SULF1: variants seen among roughly 807,000 people sequenced by gnomAD.
SULF1 encodes extracellular sulfatase Sulf-1.
A neutral mutation model predicts 110.5 loss-of-function variants in SULF1; 46 were observed. The ratio of observed to expected loss-of-function variants is 0.42; its 90% CI spans 0.33 to 0.53. The LOEUF is 0.53. Among genes scored for constraint, SULF1 ranks in the 20% least tolerant of loss-of-function variants. The pLI is 0.12. For missense variants in SULF1, 941 were observed against 1,094.2 expected, an observed-to-expected ratio of 0.86 and a Z score of 1.98; for synonymous variants, 371 against 387.1, an observed-to-expected ratio of 0.96 and a Z score of 0.49.
At chr8:69,509,731 G>A (rs1811430762) in intron 3 of SULF1, among the ~76,000 whole-genome samples, 1 of 152,172 alleles carries the variant, frequency 6.6e-6, no homozygotes, top group Non-Finnish European at 1.5e-5. Context: ...CCTTCTCACA[G>A]GGAAATATTC....
At chr8:69,498,227 A>T (rs1002381673) in intron 2 of SULF1, among the ~76,000 whole-genome samples, 4 of 152,148 alleles carry the variant, frequency 2.6e-5, no homozygotes, top group Non-Finnish European at 5.9e-5. Flanking sequence ...AGCAAAAGAA[A>T]GGGATGCAAT....
At chr8:69,506,026 G>T (rs1811168717) in intron 3 of SULF1, among the ~76,000 whole-genome samples, 1 of 151,902 alleles carries the variant, frequency 6.6e-6, no homozygotes, top group Non-Finnish European at 1.5e-5. Context: ...ATTTCATAGG[G>T]TATTATCTAA....
intron 3 of SULF1, among the ~76,000 whole-genome samples, chr8:69,554,673 A>T (rs1814960760): frequency 6.6e-6 from 1 of 152,032 alleles, no homozygotes; most frequent in Admixed American, 6.6e-5. Context: ...AAAAAAAGAA[A>T]AAGAAAAAAA....
intron 13 of SULF1, among the ~76,000 whole-genome samples, chr8:69,614,862 A>G (rs1406097655): frequency 6.6e-6 from 1 of 152,264 alleles, no homozygotes; most frequent in Non-Finnish European, 1.5e-5. Context: ...GCTGTGCAGA[A>G]ATATTTGTGG....
At chr8:69,530,300 C>T (rs1156772859) in intron 3 of SULF1, among the ~76,000 whole-genome samples, 5 of 152,148 alleles carry the variant, frequency 3.3e-5, no homozygotes, top group Admixed American at 3.3e-4. Context: ...GGCTACCCTA[C>T]ATATTCATTC....
intron 22 of SULF1, among the ~76,000 whole-genome samples, chr8:69,644,739 T>G (rs1586625925): frequency 1.5e-5 from 2 of 135,344 alleles, no homozygotes; most frequent in Non-Finnish European, 1.5e-5. Flanking sequence ...CCTGCCTGAG[T>G]GACAGAGGGA....
intron 22 of SULF1, among the ~76,000 whole-genome samples, chr8:69,657,437 T>C (rs980485764): frequency 2.0e-5 from 3 of 152,230 alleles, no homozygotes; most frequent in Non-Finnish European, 4.4e-5. Context: ...TTGTCAGTGC[T>C]GTGGCTCACC....
chr8:69,620,535 T>C (rs1272223563), intron 13 of SULF1, among the ~76,000 whole-genome samples: 1 of 152,026 alleles, frequency 6.6e-6, no homozygotes, highest in Admixed American at 6.6e-5. Flanking sequence ...TATATGAGAG[T>C]TGGCTCGCCC....
chr8:69,589,585 C>T (rs192658468), intron 8 of SULF1, among the ~76,000 whole-genome samples: 14 of 152,256 alleles, frequency 9.2e-5, no homozygotes, highest in Admixed American at 2.0e-4. Context: ...TTGCTGCAGA[C>T]GTGCAATTAG....
At chr8:69,523,575 A>C (rs1775320388) in intron 3 of SULF1, among the ~76,000 whole-genome samples, 1 of 152,028 alleles carries the variant, frequency 6.6e-6, no homozygotes, top group Admixed American at 6.6e-5. Flanking sequence ...GCTGGATTTA[A>C]CTCAAGTTTG....
intron 1 of SULF1, among the ~76,000 whole-genome samples, chr8:69,472,021 G>A (rs1809108238): frequency 6.6e-6 from 1 of 152,130 alleles, no homozygotes; most frequent in African/African-American, 2.4e-5. Context: ...GAGAGAGAAG[G>A]AGGGAGGTGC....
intron 1 of SULF1, among the ~76,000 whole-genome samples, chr8:69,477,959 A>T (rs1545219): frequency 0.48 from 73,273 of 151,784 alleles, 19,087 homozygotes; most frequent in African/African-American, 0.68. Context: ...TGGGCTTAAT[A>T]GATCCTCCCA....
At chr8:69,596,389 A>C (rs755206012) in intron 8 of SULF1, among the ~76,000 whole-genome samples, 1 of 152,174 alleles carries the variant, frequency 6.6e-6, no homozygotes, top group Non-Finnish European at 1.5e-5. Flanking sequence ...ATTTTAAAGC[A>C]AATAACCAGT....
intron 1 of SULF1, among the ~76,000 whole-genome samples, chr8:69,478,417 T>C (rs1418152967): frequency 3.9e-5 from 6 of 152,136 alleles, no homozygotes; most frequent in African/African-American, 1.2e-4. Flanking sequence ...CCATGATCTT[T>C]TCCACTATGA....
At chr8:69,624,972 G>A (rs1809889940) in intron 15 of SULF1, among the ~76,000 whole-genome samples, 1 of 152,186 alleles carries the variant, frequency 6.6e-6, no homozygotes, top group Non-Finnish European at 1.5e-5. Flanking sequence ...TTTTATCTCT[G>A]AGGCTCTGGT....
upstream of SULF1, among the ~76,000 whole-genome samples, chr8:69,488,684 G>T (rs1322834678): frequency 6.6e-6 from 1 of 152,008 alleles, no homozygotes; most frequent in Non-Finnish European, 1.5e-5. Context: ...CCATCCTAGG[G>T]ATCTGGGGAT....
At chr8:69,533,337 T>C (rs1813229799) in intron 3 of SULF1, among the ~76,000 whole-genome samples, 1 of 152,212 alleles carries the variant, frequency 6.6e-6, no homozygotes, top group Non-Finnish European at 1.5e-5. Context: ...ACTGCACCTA[T>C]CCTCAATAAC....
At chr8:69,631,064 G>T (rs1176445108) in intron 19 of SULF1, among the ~76,000 whole-genome samples, 1 of 152,054 alleles carries the variant, frequency 6.6e-6, no homozygotes, top group Admixed American at 6.6e-5. Flanking sequence ...GGGAAGACGG[G>T]TCTTTGAGGT....
At chr8:69,486,729 G>A (rs1328979803) in intron 1 of SULF1, among the ~76,000 whole-genome samples, 1 of 152,152 alleles carries the variant, frequency 6.6e-6, no homozygotes, top group Non-Finnish European at 1.5e-5. Flanking sequence ...TGGCCCAAGT[G>A]CTCATGTCTC....
Sources: gnomAD v4.1 joint callset for allele counts (sites outside exome capture counted in the v4.1 genomes callset) on GRCh38, gnomAD v4.1.1 for gene constraint, MANE v1.5 for transcripts, NCBI Gene and HGNC (gene_info 2026-07-23, HGNC 2026-07-21) for gene names.